Variants in SLC35D4 observed in about 807,000 individuals in gnomAD.
The protein encoded by SLC35D4 is UDP-N-acetylglucosamine transporter SLC35D4.
At chr18:23,370,413 G>A in the SLC35D4 span, 2 of 666,390 alleles carry the variant, frequency 3.0e-6, no homozygotes, top group Non-Finnish European at 5.2e-6. Flanking sequence ...CAGCTGACAG[G>A]AGAAGACCAT....
At chr18:23,409,293 G>C in the SLC35D4 span, among the ~76,000 whole-genome samples, 224 of 152,014 alleles carry the variant, frequency 1.5e-3, no homozygotes, top group African/African-American at 5.1e-3. Flanking sequence ...GTCTATATGC[G>C]CACATATGAA....
the SLC35D4 span, among the ~76,000 whole-genome samples, chr18:23,241,584 C>T: frequency 6.6e-6 from 1 of 152,174 alleles, no homozygotes. Context: ...GTTTGTTTAT[C>T]CCTCCTCCTG....
At chr18:23,437,912 C>T in the SLC35D4 span, 2 of 1,547,796 alleles carry the variant, frequency 1.3e-6, no homozygotes, top group Non-Finnish European at 8.8e-7. Flanking sequence ...CTGGCCGCCG[C>T]CCGACCCCCG....
At chr18:23,372,876 G>A in the SLC35D4 span, among the ~76,000 whole-genome samples, 20 of 151,574 alleles carry the variant, frequency 1.3e-4, no homozygotes, top group Non-Finnish European at 2.7e-4. Context: ...CACGTGGTGG[G>A]GACCTAATAA....
the SLC35D4 span, among the ~76,000 whole-genome samples, chr18:23,333,482 G>A: frequency 6.6e-6 from 1 of 152,196 alleles, no homozygotes; most frequent in Non-Finnish European, 1.5e-5. Flanking sequence ...CCAAAGTGTT[G>A]TACTCCCTTA....
chr18:23,431,746 T>C, the SLC35D4 span, among the ~76,000 whole-genome samples: 656 of 152,348 alleles, frequency 4.3e-3, 10 homozygotes, highest in African/African-American at 0.015. Context: ...TTATGTATAT[T>C]AATTGAATTT....
the SLC35D4 span, among the ~76,000 whole-genome samples, chr18:23,340,098 A>T: frequency 1.3e-5 from 2 of 152,026 alleles, no homozygotes; most frequent in African/African-American, 2.4e-5. Flanking sequence ...CTCTCCTATC[A>T]CTGCCCAGGA....
the SLC35D4 span, among the ~76,000 whole-genome samples, chr18:23,316,591 C>G: frequency 1.3e-5 from 2 of 152,116 alleles, no homozygotes; most frequent in Non-Finnish European, 2.9e-5. Context: ...AATATATGAA[C>G]CATTAATCTT....
the SLC35D4 span, among the ~76,000 whole-genome samples, chr18:23,342,945 T>G: frequency 6.6e-6 from 1 of 151,756 alleles, no homozygotes. Flanking sequence ...TTTTTTGAAA[T>G]GGAGTCTTGA....
At chr18:23,344,301 G>C in the SLC35D4 span, among the ~76,000 whole-genome samples, 3 of 152,186 alleles carry the variant, frequency 2.0e-5, no homozygotes, top group Non-Finnish European at 4.4e-5. Flanking sequence ...ATTGTGACTA[G>C]TGTTGTGATG....
At chr18:23,300,342 C>T in the SLC35D4 span, among the ~76,000 whole-genome samples, 5 of 152,140 alleles carry the variant, frequency 3.3e-5, no homozygotes, top group East Asian at 1.9e-4. Flanking sequence ...AAGGGCTGCA[C>T]GGAGCTTTGG....
chr18:23,328,503 T>C, the SLC35D4 span, among the ~76,000 whole-genome samples: 1 of 152,166 alleles, frequency 6.6e-6, no homozygotes, highest in Non-Finnish European at 1.5e-5. Flanking sequence ...ACAAGGGATG[T>C]AAAGGACCTC....
the SLC35D4 span, among the ~76,000 whole-genome samples, chr18:23,299,253 C>T: frequency 0.22 from 33,283 of 152,136 alleles, 4,121 homozygotes; most frequent in African/African-American, 0.32. Context: ...AGAAATAATA[C>T]ATCAGCAGCA....
chr18:23,403,093 G>A, the SLC35D4 span, among the ~76,000 whole-genome samples: 19 of 152,046 alleles, frequency 1.2e-4, 1 homozygote, highest in Non-Finnish European at 2.2e-4. Flanking sequence ...GTGACAGAGT[G>A]AGACTCCATC....
the SLC35D4 span, among the ~76,000 whole-genome samples, chr18:23,378,575 T>G: frequency 1.3e-5 from 2 of 152,222 alleles, no homozygotes; most frequent in African/African-American, 2.4e-5. Context: ...TTATAATTCC[T>G]TTTGATGAGT....
chr18:23,277,769 A>T, the SLC35D4 span, among the ~76,000 whole-genome samples: 1 of 151,998 alleles, frequency 6.6e-6, no homozygotes, highest in African/African-American at 2.4e-5. Flanking sequence ...CTTGTTAGGC[A>T]TCAAGACTGG....
At chr18:23,430,675 A>G in the SLC35D4 span, 1 of 1,612,556 alleles carries the variant, frequency 6.2e-7, no homozygotes, top group Non-Finnish European at 8.5e-7. Context: ...CAGACAGCAC[A>G]TACTGAAAAA....
chr18:23,319,583 G>A, the SLC35D4 span, among the ~76,000 whole-genome samples: 13 of 152,198 alleles, frequency 8.5e-5, no homozygotes, highest in African/African-American at 1.9e-4. Context: ...GATTACAGGC[G>A]TGCGCCACCA....
chr18:23,371,515 G>C, the SLC35D4 span: 10 of 1,496,156 alleles, frequency 6.7e-6, no homozygotes, highest in South Asian at 1.2e-4. Flanking sequence ...ATAAGTGCAA[G>C]GCAAATGGAA....
Sources: allele counts gnomAD v4.1 joint callset (sites outside exome capture counted in the v4.1 genomes callset), GRCh38; gene constraint gnomAD v4.1.1; transcripts MANE v1.5; gene names NCBI Gene and HGNC (gene_info 2026-07-23, HGNC 2026-07-21).